TFEB: variants seen among roughly 807,000 people sequenced by gnomAD.
TFEB encodes the protein T-cell transcription factor EB.
In TFEB, 12 loss-of-function variants were observed where a neutral mutation model predicts 48.0. The ratio of observed to expected loss-of-function variants is 0.25; its 90% CI spans 0.16 to 0.40. TFEB has a LOEUF of 0.40. TFEB is among the 10% of genes least tolerant of loss of function. The pLI is 1.00. For missense variants in TFEB, 509 were observed against 640.3 expected (o/e 0.79, Z 2.21); for synonymous variants, 244 against 261.4 (o/e 0.93, Z 0.64).
At chr6:41,721,130 C>T (rs1394580881) in intron 1 of TFEB, among the ~76,000 whole-genome samples, 2 of 152,158 alleles carry the variant, frequency 1.3e-5, no homozygotes, top group East Asian at 3.9e-4. Context: ...CCACTCTGCT[C>T]CCTCCTCTGC....
chr6:41,718,124 CAT>C (rs1196998160), intron 1 of TFEB, among the ~76,000 whole-genome samples: 23 of 152,062 alleles, frequency 1.5e-4, no homozygotes, highest in Admixed American at 1.5e-3. Flanking sequence ...AGTTAATTAA[CAT>C]ATACATCACC....
chr6:41,728,649 C>T (rs1771314345), intron 1 of TFEB, among the ~76,000 whole-genome samples: 1 of 152,070 alleles, frequency 6.6e-6, no homozygotes, highest in South Asian at 2.1e-4. Flanking sequence ...AAACCGGAGC[C>T]CCACCCCACA....
At chr6:41,735,142 C>G (rs4487572) in intron 1 of TFEB, 7 of 958,726 alleles carry the variant, frequency 7.3e-6, no homozygotes, top group Non-Finnish European at 7.4e-6. Context: ...GCTCCCGGCT[C>G]GGCGGGCAGC....
chr6:41,701,200 C>G (rs532775274), intron 1 of TFEB, among the ~76,000 whole-genome samples: 1 of 152,374 alleles, frequency 6.6e-6, no homozygotes, highest in African/African-American at 2.4e-5. Context: ...TCAGCTGCCG[C>G]TTGCAGTCTA....
rs1323239139 is a variant in TFEB at position 41,691,204 on chromosome 6, G to A, written c.10C>T (p.Arg4Cys). The A allele has an allele frequency of 6.3e-6, 10 of 1,584,328 alleles. No individual in the cohort carries two copies. Among genetic ancestry groups the A allele is most frequent in the East Asian group, 2.3e-5 (1 of 43,618 alleles). MAS[R>C]IGLRMQLMRE... Reference sequence around the variant, plus strand: ...ATGAGCTGCATGCGCAACCCTATGCGTGACGCCATGGTGGCTGCCGGCGCT... The same window carrying A: ...ATGAGCTGCATGCGCAACCCTATGCATGACGCCATGGTGGCTGCCGGCGCT... Residue 4 changes from arginine to cysteine, a missense_variant, in exon 2 of 9, where the codon CGC (arginine) becomes TGC (cysteine). Transcript: ENST00000373033. The surrounding 1 kb of genome is among the most constrained non-coding windows in gnomAD (Gnocchi z 5.2).
intron 1 of TFEB, among the ~76,000 whole-genome samples, chr6:41,715,054 G>A (rs937253263): frequency 6.6e-6 from 1 of 152,170 alleles, no homozygotes; most frequent in African/African-American, 2.4e-5. Flanking sequence ...GTCAGTGTGA[G>A]GAGCAGGAGA....
chr6:41,686,171 C>T lies in TFEB; in HGVS notation c.870G>A (p.Lys290=), dbSNP rs764114762. 15 of 1,614,126 alleles carry T rather than the reference C, an allele frequency of 9.3e-6. No individual in the cohort carries two copies. The highest frequency in any genetic ancestry group is 8.3e-5 in the Admixed American group (5 of 60,008). The change falls in exon 8 of 9, where the codon AAG becomes AAA. Residue 290 remains lysine, a synonymous_variant. Coordinates refer to ENST00000373033, the MANE Select transcript of TFEB (RefSeq NM_001271944.2). ...CCAGCTCCCTGGACTTTTGCAGGTC[C>T]TTCTGCATCCTCCGGATGTAATCCA... The part of the protein sequence containing the change: ...ASVDYIRRMQ[K]DLQKSRELEN...
At position 41,687,091 on chromosome 6, in the gene TFEB, C is replaced by T. The variant is rs753742130; in HGVS notation, c.803+3G>A. ...TCACCCTCCCCCTCAGAAACCTGCTCACAGGTCATTGGCCTTGGGGATCAG... is the reference window on the plus strand; with the variant it reads ...TCACCCTCCCCCTCAGAAACCTGCTTACAGGTCATTGGCCTTGGGGATCAG... On this transcript the variant is annotated splice_donor_region_variant and intron_variant, in intron 7 of 8. Coordinates refer to ENST00000373033, the MANE Select transcript of TFEB (RefSeq NM_001271944.2). The T allele has an allele frequency of 1.6e-5, 26 of 1,614,046 alleles. No individual in the cohort carries two copies. Among genetic ancestry groups the T allele is most frequent in the Non-Finnish European group, 2.2e-5 (26 of 1,179,882 alleles).
At chr6:41,696,256 C>T (rs919313495) in intron 1 of TFEB, among the ~76,000 whole-genome samples, 2 of 152,202 alleles carry the variant, frequency 1.3e-5, no homozygotes, top group Admixed American at 6.5e-5. Context: ...GCTGAAAACA[C>T]ACTCCATGAC....
At chr6:41,707,876 G>A (rs552268206) in intron 1 of TFEB, among the ~76,000 whole-genome samples, 8 of 152,378 alleles carry the variant, frequency 5.3e-5, no homozygotes, top group Admixed American at 2.6e-4. Context: ...TGGCGGCCAT[G>A]GGGCTAGGGG....
Position 41,687,793 on chromosome 6 carries a change from G to A in TFEB, c.687C>T (p.Ala229=). Residue 229 remains alanine (A), a synonymous_variant, in exon 6 of 9, where the codon GCC becomes GCT. Coordinates refer to ENST00000373033, the MANE Select transcript of TFEB (RefSeq NM_001271944.2). ...KRELTDAESR[A]LAKERQKKDN... ...CTTTCTTCTGCCGCTCCTTGGCCAG[G>A]GCCCTGCTCTCAGCATCTGGAGGCC... 1 of 1,614,042 alleles carries A rather than the reference G, an allele frequency of 6.2e-7. No homozygotes were observed. Among genetic ancestry groups the A allele is most frequent in the Non-Finnish European group, 8.5e-7 (1 of 1,179,946 alleles).
At chr6:41,716,385 G>A (rs1487283492) in intron 1 of TFEB, among the ~76,000 whole-genome samples, 3 of 152,072 alleles carry the variant, frequency 2.0e-5, no homozygotes, top group Non-Finnish European at 4.4e-5. Context: ...AGGGGTCTGA[G>A]GCCAACTGGA....
Position 41,735,505 on chromosome 6 carries a change from C to T in TFEB, c.-178G>A, listed in dbSNP as rs1771644299. The T allele has an allele frequency of 1.0e-6, 1 of 984,298 alleles. No homozygotes were observed. The highest frequency in any genetic ancestry group is 1.1e-4 in the East Asian group (1 of 8,774). 61.0% of individuals were successfully genotyped at this position (984,298 alleles called of 1,614,324 possible). A position where few individuals can be genotyped will look rare whatever the true frequency, so the allele number is the denominator to read the frequency against. On this transcript the variant is annotated 5_prime_UTR_variant, in exon 1 of 9. Coordinates refer to ENST00000373033, the MANE Select transcript of TFEB (RefSeq NM_001271944.2). Reference sequence around the variant, plus strand: ...GGAGGCCCGCCCCGTCCGCCCTTCCCGCCGCCGTCGGCGCCGCGGCCGCTC... The same window carrying T: ...GGAGGCCCGCCCCGTCCGCCCTTCCTGCCGCCGTCGGCGCCGCGGCCGCTC...
rs1009313546 is a variant in TFEB at position 41,691,209 on chromosome 6, G to A, written c.5C>T (p.Ala2Val). The A allele has an allele frequency of 5.1e-6, 8 of 1,581,222 alleles. No homozygotes were observed. The highest frequency in any genetic ancestry group is 3.5e-5 in the Admixed American group (2 of 56,586). Residue 2 changes from alanine (A) to valine (V), a missense_variant, in exon 2 of 9, where the codon GCG becomes GTG. This residue lies in a region of TFEB where 251 missense variants were observed against 317.2 expected (regional missense o/e 0.79). Coordinates refer to ENST00000373033, the MANE Select transcript of TFEB (RefSeq NM_001271944.2). This position sits in a 1 kb window ranked among gnomAD's most constrained non-coding sequence, Gnocchi z 5.2. ...CTGCATGCGCAACCCTATGCGTGAC[G>A]CCATGGTGGCTGCCGGCGCTGGCTC... The part of the protein sequence containing the change: M[A>V]SRIGLRMQLM...
At chr6:41,732,544 A>G in intron 1 of TFEB, 29 of 984,324 alleles carry the variant, frequency 2.9e-5, no homozygotes, top group Non-Finnish European at 3.5e-5. Context: ...ACACACATGC[A>G]CAGTTCATCT....
chr6:41,690,947 G>A lies in TFEB; in HGVS notation c.214-30C>T, dbSNP rs190623907. ...GAGGGGGAAAAGGCAAGGGCTCTAG[G>A]GGAGGCTGGGACTAGTGGGGACAGG... On this transcript the variant is annotated intron_variant, in intron 2 of 8. Coordinates refer to ENST00000373033, the MANE Select transcript of TFEB (RefSeq NM_001271944.2). 11 of 1,571,390 alleles carry A rather than the reference G, an allele frequency of 7.0e-6. No individual in the cohort carries two copies. The African/African-American group carries it at 9.4e-5, about 13-fold the overall frequency.
At chr6:41,713,929 C>G (rs1770596239) in intron 1 of TFEB, among the ~76,000 whole-genome samples, 1 of 152,226 alleles carries the variant, frequency 6.6e-6, no homozygotes, top group African/African-American at 2.4e-5. Context: ...CCACCCATCC[C>G]CTGACACCCA....
chr6:41,689,193 C>T (rs1461734588), intron 4 of TFEB, among the ~76,000 whole-genome samples: 7 of 152,184 alleles, frequency 4.6e-5, no homozygotes, highest in Non-Finnish European at 8.8e-5. Flanking sequence ...CACCTCCCCA[C>T]CTGCTACCCC....
rs181779307 is a variant in TFEB, at chr6:41,723,923, A to C, written c.-23+11427T>G. On this transcript the variant is annotated intron_variant, in intron 1 of 8. Coordinates refer to ENST00000373033, the MANE Select transcript of TFEB (RefSeq NM_001271944.2). The surrounding 1 kb of genome is among the most constrained non-coding windows in gnomAD (Gnocchi z 6.0). The stretch of plus-strand genomic sequence containing the variant: ...CCAGGGTGGGCCTAACCCTAACCCC[A>C]GCCCCGCTTCCTAGAGACATGTGTC... 24 of 513,540 alleles carry C rather than the reference A, an allele frequency of 4.7e-5. No homozygotes were observed. The highest frequency in any genetic ancestry group is 9.3e-5 in the Non-Finnish European group (24 of 257,698). The allele number at this position is 513,540 out of a possible 1,614,324, so 31.8% of individuals were successfully genotyped here.
Sources: gnomAD v4.1 joint callset for allele counts (sites outside exome capture counted in the v4.1 genomes callset) on GRCh38, gnomAD v4.1.1 for gene constraint, gnomAD v4.1.1 regional missense constraint, Gnocchi (gnomAD v3.1) non-coding constraint, MANE v1.5 for transcripts, NCBI Gene and HGNC (gene_info 2026-07-23, HGNC 2026-07-21) for gene names.